The following NLGN1 variants were observed in gnomAD, a reference collection of about 807,000 sequenced individuals.
NLGN1 encodes the protein neuroligin-1.
Under a neutral mutation model 65.5 loss-of-function variants are expected in NLGN1, and 12 were observed. That is an observed-to-expected ratio of 0.18 (90% CI 0.12 to 0.30). The LOEUF (loss-of-function observed/expected upper bound fraction) is 0.30. Ranked by LOEUF, NLGN1 falls within the 10% of genes least tolerant of loss-of-function variation. NLGN1 has a pLI of 1.00. For missense variants in NLGN1, 750 were observed against 1,007.1 expected, an observed-to-expected ratio of 0.74 and a Z score of 3.46; for synonymous variants, 350 against 359.5, an observed-to-expected ratio of 0.97 and a Z score of 0.30.
intron 4 of NLGN1, among the ~76,000 whole-genome samples, chr3:174,216,337 G>A (rs147198613): frequency 1.4e-4 from 21 of 152,216 alleles, no homozygotes; most frequent in African/African-American, 4.6e-4. Flanking sequence ...AAGAACCCAC[G>A]AAATTACAAC....
At chr3:174,141,963 C>A (rs922190441) in intron 4 of NLGN1, among the ~76,000 whole-genome samples, 1 of 152,066 alleles carries the variant, frequency 6.6e-6, no homozygotes, top group African/African-American at 2.4e-5. Flanking sequence ...CCAAAACACA[C>A]GGCTTCTTAA....
intron 1 of NLGN1, among the ~76,000 whole-genome samples, chr3:173,407,591 A>G (rs1711539205): frequency 6.6e-6 from 1 of 152,228 alleles, no homozygotes; most frequent in Admixed American, 6.5e-5. Context: ...TATTTTTAGC[A>G]AAGTTAGTGG....
intron 4 of NLGN1, among the ~76,000 whole-genome samples, chr3:174,186,940 C>T (rs1731512716): frequency 6.7e-6 from 1 of 149,550 alleles, no homozygotes; most frequent in South Asian, 2.1e-4. Context: ...AGAACTCCCT[C>T]CAGATACTAC....
chr3:173,415,904 TAG>T (rs1553844214), intron 1 of NLGN1, among the ~76,000 whole-genome samples: 3 of 125,414 alleles, frequency 2.4e-5, no homozygotes, highest in East Asian at 2.1e-4. Flanking sequence ...TATATATATA[TAG>T]AGAGAGAGAG....
chr3:174,016,331 G>T (rs1286575180), intron 4 of NLGN1, among the ~76,000 whole-genome samples: 2 of 152,148 alleles, frequency 1.3e-5, no homozygotes, highest in South Asian at 2.1e-4. Context: ...AAAAGTACAC[G>T]TACAAATACA....
At chr3:174,072,721 A>G (rs936911694) in intron 4 of NLGN1, among the ~76,000 whole-genome samples, 3 of 152,118 alleles carry the variant, frequency 2.0e-5, no homozygotes, top group Non-Finnish European at 2.9e-5. Flanking sequence ...GGTGTTTGCC[A>G]CTTTAGCATA....
chr3:173,432,475 C>T (rs975339734), intron 1 of NLGN1, among the ~76,000 whole-genome samples: 5 of 152,178 alleles, frequency 3.3e-5, no homozygotes, highest in African/African-American at 1.2e-4. Context: ...TCTCTAATGA[C>T]ATAGGATGTG....
chr3:173,947,282 A>T (rs1449118090), intron 4 of NLGN1, among the ~76,000 whole-genome samples: 1 of 151,998 alleles, frequency 6.6e-6, no homozygotes, highest in Admixed American at 6.6e-5. Flanking sequence ...TCAGCCTCCC[A>T]AAGTGCTGGG....
At chr3:173,625,608 G>GT (rs1754703807) in intron 3 of NLGN1, among the ~76,000 whole-genome samples, 1 of 151,678 alleles carries the variant, frequency 6.6e-6, no homozygotes, top group Non-Finnish European at 1.5e-5. Flanking sequence ...ATCATTAACT[G>GT]TTTATTAAAT....
intron 4 of NLGN1, among the ~76,000 whole-genome samples, chr3:173,829,863 A>G (rs1722147153): frequency 6.6e-6 from 1 of 152,090 alleles, no homozygotes; most frequent in Non-Finnish European, 1.5e-5. Flanking sequence ...GAGCATAGCC[A>G]TGTCTAAAAG....
intron 4 of NLGN1, among the ~76,000 whole-genome samples, chr3:174,087,507 A>C (rs931713545): frequency 2.6e-5 from 4 of 152,174 alleles, no homozygotes; most frequent in African/African-American, 9.7e-5. Flanking sequence ...AGAAAAACAC[A>C]TACCTGCATA....
intron 2 of NLGN1, among the ~76,000 whole-genome samples, chr3:173,499,056 G>A (rs6771753): frequency 6.7e-6 from 1 of 149,032 alleles, no homozygotes; most frequent in African/African-American, 2.5e-5. Flanking sequence ...CTCTTTAGTT[G>A]AATTAGATCC....
rs115536419 is a variant in NLGN1, at chr3:174,237,183, C to T, written c.647-38132C>T. ...GTGTAAGGAATTTCAAATACTTTAT[C>T]CTCACTTTTATTCCCTGCCATCCCA... On this transcript the variant is annotated intron_variant, in intron 4 of 6. Transcript: ENST00000457714. 3.0e-3 allele frequency among the ~76,000 whole-genome samples: 457 copies of T among 151,988 alleles called. 1 individual carries two copies. The highest frequency in any genetic ancestry group is 0.01 in the African/African-American group (433 of 41,498).
chr3:174,032,709 G>A (rs1365356871), intron 4 of NLGN1, among the ~76,000 whole-genome samples: 2 of 152,116 alleles, frequency 1.3e-5, no homozygotes, highest in Non-Finnish European at 2.9e-5. Flanking sequence ...TGATGTCCTT[G>A]TGCCCCCAGC....
chr3:173,807,463 C>T (rs563516320), intron 3 of NLGN1, among the ~76,000 whole-genome samples: 187 of 152,262 alleles, frequency 1.2e-3, no homozygotes, highest in African/African-American at 4.3e-3. Context: ...CAGTTTGCAA[C>T]TTGTAAACAA....
intron 1 of NLGN1, among the ~76,000 whole-genome samples, chr3:173,409,129 A>G (rs1711959586): frequency 6.6e-6 from 1 of 152,068 alleles, no homozygotes; most frequent in African/African-American, 2.4e-5. Context: ...GCTATAGGGG[A>G]GAACGAAGGT....
At chr3:174,217,804 G>A (rs1388728421) in intron 4 of NLGN1, among the ~76,000 whole-genome samples, 2 of 151,962 alleles carry the variant, frequency 1.3e-5, no homozygotes, top group African/African-American at 4.8e-5. Context: ...CTCAAGTAAG[G>A]CGTAACGACA....
intron 4 of NLGN1, among the ~76,000 whole-genome samples, chr3:173,814,339 T>C (rs1560425369): frequency 6.6e-6 from 1 of 152,364 alleles, no homozygotes; most frequent in East Asian, 1.9e-4. Context: ...AAATATGTTA[T>C]GTCAACTGGG....
rs568701353 is a variant in NLGN1, at chr3:174,246,826, G to C, written c.647-28489G>C. Among the ~76,000 whole-genome samples, 136 of 152,202 alleles carry C rather than the reference G, an allele frequency of 8.9e-4. 2 individuals are homozygous for C. The South Asian group carries it at 0.027, about 30-fold the overall frequency. ...TTTGCACTGGGGGAAAATTGGTCTT[G>C]ATAATCTGCTGATGGTCACATTGAT... On this transcript the variant is annotated intron_variant, in intron 4 of 6. Transcript: ENST00000457714.
Sources: gnomAD v4.1 joint callset for allele counts (sites outside exome capture counted in the v4.1 genomes callset) on GRCh38, gnomAD v4.1.1 for gene constraint, MANE v1.5 for transcripts, NCBI Gene and HGNC (gene_info 2026-07-23, HGNC 2026-07-21) for gene names.